The following CLPTM1 variants were observed in gnomAD, a reference collection of about 807,000 sequenced individuals.
CLPTM1 encodes putative lipid scramblase CLPTM1.
Under a neutral mutation model 77.3 loss-of-function variants are expected in CLPTM1, and 21 were observed. The ratio of observed to expected loss-of-function variants is 0.27; its 90% CI spans 0.19 to 0.39. The LOEUF (loss-of-function observed/expected upper bound fraction) is 0.39. Ranked by LOEUF, CLPTM1 falls within the 10% of genes least tolerant of loss-of-function variation. The pLI, the probability that CLPTM1 is intolerant of heterozygous loss-of-function variation, is 1.00. For missense variants in CLPTM1, 642 were observed against 921.2 expected, an observed-to-expected ratio of 0.70 and a Z score of 3.92; for synonymous variants, 373 against 381.0, an observed-to-expected ratio of 0.98 and a Z score of 0.24.
In CLPTM1 at chr19:44,990,715, T is replaced by A. The variant is rs1971058913; in HGVS notation, c.1323+130T>A. 2.2e-6 allele frequency: 3 copies of A among 1,342,712 alleles called. No homozygotes were observed. The East Asian group carries it at 7.1e-5, about 32-fold the overall frequency. The allele number at this position is 1,342,712 out of a possible 1,614,324, so 83.2% of individuals were successfully genotyped here. A position where few individuals can be genotyped will look rare whatever the true frequency, so the allele number is the denominator to read the frequency against. ...GCCTCACTCCCAGGACTGAGGGGAT[T>A]TTCTCACCAGGGGATTTTTTGGGTC... On this transcript the variant is annotated intron_variant, in intron 10 of 13. Transcript: ENST00000337392. This position sits in a 1 kb window ranked among gnomAD's most constrained non-coding sequence, Gnocchi z 4.8.
At chr19:44,978,174 A>G (rs1970835821) in intron 5 of CLPTM1, among the ~76,000 whole-genome samples, 1 of 152,060 alleles carries the variant, frequency 6.6e-6, no homozygotes, top group Non-Finnish European at 1.5e-5. Context: ...TGGGAGGCCG[A>G]GGCGGGTGAA....
chr19:44,990,448 GTCT>G lies in CLPTM1; in HGVS notation c.1192_1194del (p.Phe398del). The G allele has an allele frequency of 6.2e-7, 1 of 1,614,100 alleles. No individual in the cohort carries two copies. ...CCTGGAGGGCCTGTCCGTGCGCTCC[GTCT>G]TCTTCGGCGTTTTCCAGTCATTCGT... On this transcript the variant is annotated inframe_deletion, in exon 10 of 14. Coordinates refer to ENST00000337392, the MANE Select transcript of CLPTM1 (RefSeq NM_001294.4). The surrounding 1 kb of genome is among the most constrained non-coding windows in gnomAD (Gnocchi z 4.8).
At chr19:44,956,138 C>G (rs889366207) in intron 1 of CLPTM1, among the ~76,000 whole-genome samples, 1 of 152,298 alleles carries the variant, frequency 6.6e-6, no homozygotes, top group Non-Finnish European at 1.5e-5. Flanking sequence ...CCATTTCAGG[C>G]AGCTACCGTT....
intron 6 of CLPTM1, among the ~76,000 whole-genome samples, chr19:44,985,874 G>A (rs889893079): frequency 1.3e-5 from 2 of 152,200 alleles, no homozygotes; most frequent in South Asian, 2.1e-4. Flanking sequence ...GGAGCCTGCT[G>A]TCATGAGGCT....
intron 4 of CLPTM1, among the ~76,000 whole-genome samples, chr19:44,975,712 A>G (rs1568385517): frequency 6.6e-6 from 1 of 151,990 alleles, no homozygotes; most frequent in Admixed American, 6.6e-5. Context: ...TAAGGCACAC[A>G]TGATCACACC....
intron 6 of CLPTM1, among the ~76,000 whole-genome samples, chr19:44,985,864 G>A (rs1178108862): frequency 1.3e-5 from 2 of 152,198 alleles, no homozygotes; most frequent in Non-Finnish European, 2.9e-5. Context: ...AAGAGTGTGT[G>A]GAGCCTGCTG....
At chr19:44,957,768 G>A (rs2095804046) in intron 1 of CLPTM1, among the ~76,000 whole-genome samples, 1 of 152,188 alleles carries the variant, frequency 6.6e-6, no homozygotes, top group South Asian at 2.1e-4. Flanking sequence ...GCTTTAGCTA[G>A]CCTGCTCCTG....
intron 5 of CLPTM1, 23 bp downstream of exon 5, chr19:44,977,483 G>C: frequency 6.4e-7 from 1 of 1,553,040 alleles, no homozygotes; most frequent in East Asian, 2.2e-5. Flanking sequence ...CCTGCAGCCA[G>C]GACCCACTGT....
At chr19:44,970,564 C>T (rs1397051681) in intron 2 of CLPTM1, among the ~76,000 whole-genome samples, 1 of 145,666 alleles carries the variant, frequency 6.9e-6, no homozygotes, top group Admixed American at 6.7e-5. Flanking sequence ...GCTGCCATGC[C>T]TGGCTAATTT....
intron 1 of CLPTM1, among the ~76,000 whole-genome samples, chr19:44,959,223 T>C (rs1970507452): frequency 6.6e-6 from 1 of 151,962 alleles, no homozygotes; most frequent in Non-Finnish European, 1.5e-5. Flanking sequence ...TTTGTTTCTT[T>C]TTTTTTTTTT....
intron 2 of CLPTM1, among the ~76,000 whole-genome samples, chr19:44,972,425 T>C (rs992889822): frequency 4.7e-5 from 7 of 149,932 alleles, no homozygotes; most frequent in African/African-American, 5.0e-5. Flanking sequence ...TTTTTTTGTA[T>C]TTTTTAGTAG....
chr19:44,980,040 ACAGT>A (rs1334342839), intron 5 of CLPTM1, among the ~76,000 whole-genome samples: 1 of 152,272 alleles, frequency 6.6e-6, no homozygotes, highest in Middle Eastern at 3.4e-3. Context: ...AGGTTTATTC[ACAGT>A]CAGTCTGGTC....
At chr19:44,971,199 C>T (rs943169599) in intron 2 of CLPTM1, among the ~76,000 whole-genome samples, 3 of 152,114 alleles carry the variant, frequency 2.0e-5, no homozygotes, top group Admixed American at 1.3e-4. Flanking sequence ...AACCTACAGT[C>T]GTGTCCATTC....
rs1276234002 is a variant in CLPTM1 at position 44,992,168 on chromosome 19, G to A, written c.1556-65G>A. 1.9e-5 allele frequency: 30 copies of A among 1,568,090 alleles called. No individual in the cohort carries two copies. In the Admixed American group the frequency reaches 5.1e-4, roughly 27 times the overall value. On this transcript the variant is annotated intron_variant, in intron 12 of 13. Coordinates refer to ENST00000337392, the MANE Select transcript of CLPTM1 (RefSeq NM_001294.4). The surrounding 1 kb of genome is among the most constrained non-coding windows in gnomAD (Gnocchi z 7.7). ...AGTGGTGAGGGGGCTGGTATGGCCA[G>A]TGCAGAGTGCACAGGGGAGAGGTGG...
chr19:44,954,884 T>G, upstream of CLPTM1: 1 of 1,264,276 alleles, frequency 7.9e-7, no homozygotes, highest in Admixed American at 2.4e-5. Flanking sequence ...GGAAGAGGGG[T>G]CAGAAGACAA....
At position 44,993,115 on chromosome 19, in the gene CLPTM1, A is replaced by T; in HGVS notation, c.*218A>T. On this transcript the variant is annotated 3_prime_UTR_variant, in exon 14 of 14. Coordinates refer to ENST00000337392, the MANE Select transcript of CLPTM1 (RefSeq NM_001294.4). ...TGTCCCTCTGTCCCTCTGTGTTTCC[A>T]GCCATCTCGCCCTGCCAGCCCAGCA... The T allele has an allele frequency of 1.9e-6, 1 of 530,992 alleles. No homozygotes were observed. Among genetic ancestry groups the T allele is most frequent in the Non-Finnish European group, 3.6e-6 (1 of 279,242 alleles). The allele number at this position is 530,992 out of a possible 1,614,324, so 32.9% of individuals were successfully genotyped here.
chr19:44,968,619 G>A (rs1026242343), intron 2 of CLPTM1, among the ~76,000 whole-genome samples: 1 of 109,764 alleles, frequency 9.1e-6, no homozygotes, highest in Non-Finnish European at 1.8e-5. Context: ...CAGAACTGTG[G>A]GCGTGTGGAT....
chr19:44,959,645 C>T (rs1283108558), intron 1 of CLPTM1, among the ~76,000 whole-genome samples: 1 of 152,226 alleles, frequency 6.6e-6, no homozygotes, highest in African/African-American at 2.4e-5. Context: ...TGAGCCACTG[C>T]GCCTGGTCTG....
At chr19:44,983,508 C>T (rs1327715507) in intron 5 of CLPTM1, among the ~76,000 whole-genome samples, 4 of 148,496 alleles carry the variant, frequency 2.7e-5, no homozygotes, top group Non-Finnish European at 3.0e-5. Flanking sequence ...GTCCCAGCTA[C>T]CCAGGAGGCT....
Sources: allele counts gnomAD v4.1 joint callset (sites outside exome capture counted in the v4.1 genomes callset), GRCh38; gene constraint gnomAD v4.1.1; non-coding constraint Gnocchi (gnomAD v3.1); transcripts MANE v1.5; gene names NCBI Gene and HGNC (gene_info 2026-07-23, HGNC 2026-07-21).